PEX5L: variants seen among roughly 807,000 people sequenced by gnomAD.
PEX5L encodes the protein PEX5-related protein.
PEX5L carries 30 observed loss-of-function variants against 84.0 expected under a neutral mutation model. The observed-to-expected ratio is 0.36, with a 90% confidence interval of 0.27 to 0.48. The LOEUF (loss-of-function observed/expected upper bound fraction) is 0.48. Ranked by LOEUF, PEX5L falls within the 20% of genes least tolerant of loss-of-function variation. The pLI is 0.99. For missense variants in PEX5L, 533 were observed against 754.6 expected, an observed-to-expected ratio of 0.71 and a Z score of 3.44; for synonymous variants, 270 against 283.1, an observed-to-expected ratio of 0.95 and a Z score of 0.46.
intron 2 of PEX5L, among the ~76,000 whole-genome samples, chr3:179,953,426 A>T (rs899428989): frequency 3.3e-5 from 5 of 152,156 alleles, no homozygotes; most frequent in Non-Finnish European, 7.4e-5. Context: ...ACCCATCAAA[A>T]AGTGGGCGAA....
intron 1 of PEX5L, among the ~76,000 whole-genome samples, chr3:179,990,680 G>A (rs1161919902): frequency 1.1e-4 from 16 of 152,164 alleles, no homozygotes. Flanking sequence ...TGGAGTTGCA[G>A]ACATGAAACA....
intron 1 of PEX5L, among the ~76,000 whole-genome samples, chr3:180,033,179 C>G (rs1483765221): frequency 6.6e-6 from 1 of 152,118 alleles, no homozygotes; most frequent in Non-Finnish European, 1.5e-5. Context: ...CAAAACTCCC[C>G]TGGGGGAAAA....
intron 1 of PEX5L, among the ~76,000 whole-genome samples, chr3:180,027,786 G>A (rs187562643): frequency 6.6e-6 from 1 of 152,088 alleles, no homozygotes; most frequent in Admixed American, 6.5e-5. Context: ...ATATCTCTTT[G>A]GTCTCCTTTT....
chr3:179,995,801 C>T (rs539006119), intron 1 of PEX5L, among the ~76,000 whole-genome samples: 11 of 152,150 alleles, frequency 7.2e-5, no homozygotes, highest in East Asian at 1.9e-4. Context: ...TGACCTGCAA[C>T]GAAAGGTGCA....
intron 8 of PEX5L, among the ~76,000 whole-genome samples, chr3:179,820,893 G>A (rs111271873): frequency 0.013 from 1,916 of 152,020 alleles, 34 homozygotes; most frequent in African/African-American, 0.037. Context: ...AAGAGATGGA[G>A]GGTGGCAGGT....
intron 8 of PEX5L, among the ~76,000 whole-genome samples, chr3:179,837,423 A>G (rs1735372121): frequency 6.6e-6 from 1 of 152,188 alleles, no homozygotes; most frequent in South Asian, 2.1e-4. Flanking sequence ...TTCTTCACTT[A>G]TGCCTACCTC....
chr3:179,834,487 G>A (rs1734258457), intron 8 of PEX5L, among the ~76,000 whole-genome samples: 1 of 152,202 alleles, frequency 6.6e-6, no homozygotes, highest in Non-Finnish European at 1.5e-5. Context: ...CACCACACAT[G>A]GCTGGGCTCC....
In PEX5L at chr3:179,796,043, T is replaced by C. The variant is rs977564823; in HGVS notation, c.*5785A>G. The C allele has an allele frequency of 1.3e-5, 2 of 152,226 alleles. No homozygotes were observed. The highest frequency in any genetic ancestry group is 4.8e-5 in the African/African-American group (2 of 41,448). 9.4% of individuals were successfully genotyped at this position (152,226 alleles called of 1,614,324 possible). ...GAACACATTTCTCACATGGCAGAAT[T>C]CTTGTATGGTATCCATGCAGAAATG... On this transcript the variant is annotated 3_prime_UTR_variant, in exon 15 of 15. Transcript: ENST00000467460.
At chr3:179,967,472 G>A (rs2140653) in intron 2 of PEX5L, among the ~76,000 whole-genome samples, 60,840 of 151,986 alleles carry the variant, frequency 0.4, 14,491 homozygotes, top group East Asian at 0.87. Flanking sequence ...GGTGGGAAAA[G>A]CACAGTATCA....
chr3:179,824,811 T>G (rs2109020089), intron 8 of PEX5L, among the ~76,000 whole-genome samples: 1 of 152,190 alleles, frequency 6.6e-6, no homozygotes, highest in South Asian at 2.1e-4. Flanking sequence ...ACAATTTTGC[T>G]GAAGTGAAAT....
intron 7 of PEX5L, among the ~76,000 whole-genome samples, chr3:179,861,444 G>A (rs532193712): frequency 1.1e-4 from 17 of 152,298 alleles, no homozygotes; most frequent in East Asian, 1.9e-4. Context: ...GCTGAATGCC[G>A]GAGGGGCCTG....
chr3:179,923,071 C>T (rs970748251), intron 2 of PEX5L, among the ~76,000 whole-genome samples: 4 of 151,656 alleles, frequency 2.6e-5, no homozygotes, highest in Admixed American at 6.6e-5. Flanking sequence ...GGGCGGATCA[C>T]GAAGTCAGGA....
intron 8 of PEX5L, among the ~76,000 whole-genome samples, chr3:179,834,034 C>T (rs543011639): frequency 6.6e-6 from 1 of 152,108 alleles, no homozygotes; most frequent in South Asian, 2.1e-4. Context: ...GAGACAGGGT[C>T]TCCATATGTT....
chr3:179,825,662 G>A (rs553734941), intron 8 of PEX5L, among the ~76,000 whole-genome samples: 2 of 152,246 alleles, frequency 1.3e-5, no homozygotes, highest in East Asian at 1.9e-4. Flanking sequence ...GAAAACAGAT[G>A]GGCTTTGGCC....
rs546519795 is a variant in PEX5L, at chr3:179,901,659, C to T, written c.94-3413G>A. Among the ~76,000 whole-genome samples, 5 of 152,230 alleles carry T rather than the reference C, an allele frequency of 3.3e-5. No homozygotes were observed. In the South Asian group the frequency reaches 6.2e-4, roughly 19 times the overall value. ...ATAACGTTGACTGGAAAAACAATAA[C>T]AACATTAAGGGGAAACATTTTTCTC... On this transcript the variant is annotated intron_variant, in intron 2 of 14. Coordinates refer to ENST00000467460, the MANE Select transcript of PEX5L (RefSeq NM_016559.3).
chr3:179,888,130 G>C, intron 3 of PEX5L: 1 of 1,290,722 alleles, frequency 7.7e-7, no homozygotes, highest in Non-Finnish European at 1.0e-6. Flanking sequence ...CTGGACAAAA[G>C]CTCCTACTGA....
intron 1 of PEX5L, among the ~76,000 whole-genome samples, chr3:179,990,577 A>T (rs192466361): frequency 9.9e-4 from 150 of 152,204 alleles, no homozygotes; most frequent in Admixed American, 2.3e-3. Context: ...TTTTAAAAAA[A>T]TATTTTGTAG....
intron 9 of PEX5L, among the ~76,000 whole-genome samples, chr3:179,817,576 C>CTA (rs1322232867): frequency 2.0e-5 from 3 of 152,198 alleles, no homozygotes; most frequent in Non-Finnish European, 4.4e-5. Flanking sequence ...AAATGTGTAG[C>CTA]TAAATTGTTT....
At chr3:179,943,723 G>A (rs1776771092) in intron 2 of PEX5L, among the ~76,000 whole-genome samples, 1 of 152,184 alleles carries the variant, frequency 6.6e-6, no homozygotes, top group African/African-American at 2.4e-5. Context: ...CATTATATAT[G>A]AGAGAGAAAA....
Sources: allele counts gnomAD v4.1 joint callset (sites outside exome capture counted in the v4.1 genomes callset), GRCh38; gene constraint gnomAD v4.1.1; transcripts MANE v1.5; gene names NCBI Gene and HGNC (gene_info 2026-07-23, HGNC 2026-07-21).